Variants in SLCO1B3 observed in about 807,000 individuals in gnomAD.
SLCO1B3 encodes liver-specific organic anion transporter 2.
In SLCO1B3, 72 loss-of-function variants were observed where a neutral mutation model predicts 71.8. That is an observed-to-expected ratio of 1.00 (90% CI 0.83 to 1.22). SLCO1B3 has a LOEUF of 1.22. Ranked by LOEUF, SLCO1B3 falls within the 50% of genes most tolerant of loss-of-function variation. The pLI, the probability that SLCO1B3 is intolerant of heterozygous loss-of-function variation, is 0.00. For missense variants in SLCO1B3, 911 were observed against 819.7 expected (o/e 1.11, Z -1.36); for synonymous variants, 298 against 278.4 (o/e 1.07, Z -0.70).
At chr12:20,823,702 C>T (rs1864365417) in intron 3 of SLCO1B3, among the ~76,000 whole-genome samples, 1 of 152,130 alleles carries the variant, frequency 6.6e-6, no homozygotes, top group African/African-American at 2.4e-5. Context: ...TTTGTGAATG[C>T]CTGAAGCCTA....
At chr12:20,866,170 A>G (rs1332527052) in intron 8 of SLCO1B3, among the ~76,000 whole-genome samples, 1 of 152,098 alleles carries the variant, frequency 6.6e-6, no homozygotes, top group East Asian at 1.9e-4. Context: ...CCCAGAAGCA[A>G]AGAAAAGTCA....
intron 8 of SLCO1B3, among the ~76,000 whole-genome samples, chr12:20,866,507 A>G (rs564739783): frequency 2.6e-5 from 4 of 152,304 alleles, no homozygotes; most frequent in African/African-American, 9.6e-5. Flanking sequence ...AACTTAAAGC[A>G]AAAGGAAAGT....
chr12:20,847,092 G>A (rs576463820), intron 3 of SLCO1B3, among the ~76,000 whole-genome samples: 3 of 152,152 alleles, frequency 2.0e-5, no homozygotes, highest in Admixed American at 2.0e-4. Context: ...TGTTCCTGGA[G>A]GTATTTAGAA....
intron 15 of SLCO1B3, among the ~76,000 whole-genome samples, chr12:20,909,609 T>C (rs1435239358): frequency 6.6e-6 from 1 of 152,170 alleles, no homozygotes; most frequent in Admixed American, 6.5e-5. Context: ...TTGAAAACAG[T>C]TATTGAATAT....
At position 20,877,772 on chromosome 12, in the gene SLCO1B3, GT is replaced by G. The variant is rs769005039; in HGVS notation, c.977del (p.Phe326SerfsTer4). On this transcript the variant is annotated frameshift_variant and splice_region_variant, in exon 10 of 16. Transcript: ENST00000381545. LOFTEE classifies it high-confidence loss of function. ...ATATGTTATTTTTATAACTCTATAG[GT>G]TTTTTCCAGTCTTTGAAAAGCATCC... ...QGKNVTKNVT[G>X]FFQSLKSILT... is the part of the protein sequence containing the mutation. 45 of 1,383,414 alleles carry G rather than the reference GT, an allele frequency of 3.3e-5. No homozygotes were observed. The highest frequency in any genetic ancestry group is 3.9e-5 in the Non-Finnish European group (41 of 1,041,588). The allele number at this position is 1,383,414 out of a possible 1,614,324, so 85.7% of individuals were successfully genotyped here.
intron 4 of SLCO1B3, 111 bp downstream of exon 4, chr12:20,855,280 T>G (rs1748615634): frequency 3.3e-6 from 3 of 895,736 alleles, no homozygotes; most frequent in Non-Finnish European, 5.0e-6. Flanking sequence ...TTGTCTCTCA[T>G]GGGCAATTTG....
At chr12:20,901,979 T>A (rs935617716) in intron 15 of SLCO1B3, 4 of 396,800 alleles carry the variant, frequency 1.0e-5, no homozygotes, top group Admixed American at 3.8e-5. Context: ...GTACCTTACC[T>A]CTTATAGAAG....
chr12:20,906,233 AAAG>A (rs775958888), intron 15 of SLCO1B3, among the ~76,000 whole-genome samples: 19 of 152,324 alleles, frequency 1.2e-4, no homozygotes, highest in Non-Finnish European at 2.4e-4. Context: ...TAGCTAAATA[AAAG>A]AAGGCAGTCC....
At chr12:20,885,431 A>G (rs1865774964) in intron 13 of SLCO1B3, among the ~76,000 whole-genome samples, 1 of 152,126 alleles carries the variant, frequency 6.6e-6, no homozygotes, top group Non-Finnish European at 1.5e-5. Flanking sequence ...GGGATAGGGT[A>G]CAGGGAGTGG....
At position 20,880,845 on chromosome 12, in the gene SLCO1B3, A is replaced by T; in HGVS notation, c.1332-10A>T. 1 of 1,555,938 alleles carries T rather than the reference A, an allele frequency of 6.4e-7. No homozygotes were observed. The highest frequency in any genetic ancestry group is 8.8e-7 in the Non-Finnish European group (1 of 1,137,368). Reference sequence around the variant, plus strand: ...TCTTTTTTTGATATATTTCTATCATATATTTTCAGAAATAATTCAGTGGCA... The same window carrying T: ...TCTTTTTTTGATATATTTCTATCATTTATTTTCAGAAATAATTCAGTGGCA... On this transcript the variant is annotated splice_polypyrimidine_tract_variant and intron_variant, in intron 11 of 15. Coordinates refer to ENST00000381545, the MANE Select transcript of SLCO1B3 (RefSeq NM_019844.4).
At chr12:20,857,737 G>A (rs4149111) in intron 4 of SLCO1B3, among the ~76,000 whole-genome samples, 109,941 of 151,842 alleles carry the variant, frequency 0.72, 42,350 homozygotes, top group South Asian at 0.88. Flanking sequence ...GCTTTCTTTC[G>A]TGAAACTATT....
At chr12:20,898,547 G>C (rs761638861) in intron 14 of SLCO1B3, 47 bp downstream of exon 14, 4 of 934,480 alleles carry the variant, frequency 4.3e-6, no homozygotes, top group Non-Finnish European at 6.6e-6. Context: ...AAATATTAAT[G>C]TTAAATACTA....
Position 20,813,234 on chromosome 12 carries a change from T to C in SLCO1B3, c.-180-290T>C, listed in dbSNP as rs151240060. Among the ~76,000 whole-genome samples the C allele has an allele frequency of 4.0e-3, 604 of 152,366 alleles. 3 individuals are homozygous for C. The highest frequency in any genetic ancestry group is 0.013 in the African/African-American group (550 of 41,588). ...TTATGGTTTTTATGCATTTATAATA[T>C]AGAGAATCAATAAATCCTTGTTGAG... On this transcript the variant is annotated intron_variant, in intron 1 of 15. Transcript: ENST00000381545.
intron 3 of SLCO1B3, among the ~76,000 whole-genome samples, chr12:20,826,288 G>A (rs1002020168): frequency 1.4e-4 from 22 of 151,952 alleles, no homozygotes; most frequent in African/African-American, 4.6e-4. Flanking sequence ...AATTACAGAA[G>A]CTATTGACAA....
intron 15 of SLCO1B3, among the ~76,000 whole-genome samples, chr12:20,907,665 C>A (rs983120215): frequency 6.6e-6 from 1 of 151,582 alleles, no homozygotes; most frequent in East Asian, 2.0e-4. Context: ...CCCGCCATTA[C>A]GGCAGGCTAA....
At chr12:20,899,444 G>C (rs547593661) in intron 14 of SLCO1B3, among the ~76,000 whole-genome samples, 60 of 152,236 alleles carry the variant, frequency 3.9e-4, no homozygotes, top group African/African-American at 1.4e-3. Context: ...GCAAGGAAAG[G>C]AAAAAGTATA....
In SLCO1B3 at chr12:20,841,012, G is replaced by C. The variant is rs931265339; in HGVS notation, c.85-14016G>C. Among the ~76,000 whole-genome samples the C allele has an allele frequency of 5.2e-4, 79 of 152,252 alleles. 1 individual carries two copies. The highest frequency in any genetic ancestry group is 2.6e-4 in the Non-Finnish European group (18 of 68,006). On this transcript the variant is annotated intron_variant, in intron 3 of 15. Transcript: ENST00000381545. ...CATCAAAAAAGGGGGTCCTTGAATT[G>C]GTCCCCCTGGAGTTATTAGCCCTCA... is the stretch of plus-strand genomic sequence containing the variant.
intron 12 of SLCO1B3, 141 bp from the exon 13 acceptor site, chr12:20,883,277 C>T: frequency 2.1e-6 from 1 of 482,554 alleles, no homozygotes; most frequent in Admixed American, 4.4e-5. Context: ...TTTGCCTTCA[C>T]TATTAAGCAA....
intron 4 of SLCO1B3, among the ~76,000 whole-genome samples, chr12:20,856,623 G>T (rs774061343): frequency 1.3e-5 from 2 of 152,116 alleles, no homozygotes; most frequent in African/African-American, 4.8e-5. Context: ...GCAGTGCCCT[G>T]ATGTCATCTC....
Sources: allele counts gnomAD v4.1 joint callset (sites outside exome capture counted in the v4.1 genomes callset), GRCh38; gene constraint gnomAD v4.1.1; transcripts MANE v1.5; gene names NCBI Gene and HGNC (gene_info 2026-07-23, HGNC 2026-07-21).